IDUA: variants seen among roughly 807,000 people sequenced by gnomAD.
The protein encoded by IDUA is iduronidase alpha-L-.
A neutral mutation model predicts 68.9 loss-of-function variants in IDUA; 65 were observed. The ratio of observed to expected loss-of-function variants is 0.94; its 90% CI spans 0.77 to 1.16. The LOEUF (loss-of-function observed/expected upper bound fraction) is 1.16, where lower values mean the gene tolerates loss of function less well. IDUA is among the 50% of genes most tolerant of loss of function. IDUA has a pLI of 0.00. For synonymous variants in IDUA, 529 were observed against 433.6 expected, an observed-to-expected ratio of 1.22 and a Z score of -2.73; for missense variants, 1,046 against 938.0, an observed-to-expected ratio of 1.12 and a Z score of -1.50.
intron 2 of IDUA, chr4:993,014 C>G (rs1459724564): frequency 1.3e-5 from 2 of 152,150 alleles, no homozygotes; most frequent in Admixed American, 1.3e-4. Flanking sequence ...TTGACACATG[C>G]AGGCTGGGCA....
intron 2 of IDUA, chr4:989,527 G>C: frequency 1.3e-6 from 2 of 1,555,686 alleles, no homozygotes; most frequent in Non-Finnish European, 1.7e-6. Flanking sequence ...CCAGACCAGC[G>C]CGTCAGCCGG....
At chr4:1,001,113 G>C (rs957531360) in intron 4 of IDUA, 124 bp downstream of exon 4, 6 of 723,246 alleles carry the variant, frequency 8.3e-6, no homozygotes, top group Admixed American at 2.1e-5. Flanking sequence ...AGGCCCTTGT[G>C]GGGGGATGGG....
intron 2 of IDUA, chr4:989,691 G>C: frequency 6.4e-7 from 1 of 1,562,716 alleles, no homozygotes; most frequent in Non-Finnish European, 8.7e-7. Context: ...CGCTGACCAC[G>C]CTGGACAGCT....
At chr4:987,295 C>A in intron 1 of IDUA, 53 bp downstream of exon 1, 2 of 1,461,622 alleles carry the variant, frequency 1.4e-6, no homozygotes, top group Non-Finnish European at 9.1e-7. Context: ...AGAGCTCGGG[C>A]GCCCCCTGAC....
Position 999,748 on chromosome 4 carries a change from TCC to T in IDUA, c.300-862_300-861del, listed in dbSNP as rs1560544947. ...GTGCAGTGGCAGGGCGGCCCCCTTC[TCC>T]CTTGAGGACGCCTGTCCCCTCGTAA... On this transcript the variant is annotated intron_variant, in intron 2 of 13. Transcript: ENST00000514224. 54 of 110,812 alleles carry T rather than the reference TCC, an allele frequency of 4.9e-4. 6 individuals are homozygous for T. Among genetic ancestry groups the T allele is most frequent in the African/African-American group, 1.8e-3 (49 of 26,526 alleles). 6.9% of individuals were successfully genotyped at this position (110,812 alleles called of 1,614,324 possible). A position where few individuals can be genotyped will look rare whatever the true frequency, so the allele number is the denominator to read the frequency against.
chr4:1,004,069 C>A lies in IDUA; in HGVS notation c.1785C>A (p.Val595=). The change falls in exon 13 of 14, where the codon GTC becomes GTA. Residue 595 remains valine (V), a synonymous_variant. Transcript: ENST00000514224. The surrounding 1 kb of genome is among the most constrained non-coding windows in gnomAD (Gnocchi z 5.0). ...AGGACGGTAAGGCGTACACCCCGGT[C>A]AGCAGGAAGCCATCGACCTTCAACC... ...FSQDGKAYTP[V]SRKPSTFNLF... 6.2e-7 allele frequency: 1 copy of A among 1,612,720 alleles called. No homozygotes were observed. Among genetic ancestry groups the A allele is most frequent in the South Asian group, 1.1e-5 (1 of 90,960 alleles).
rs537504923 is a variant in IDUA, at chr4:994,400, T to C, written c.300-6212T>C. 2.9e-3 allele frequency among the ~76,000 whole-genome samples: 436 copies of C among 148,694 alleles called. 5 individuals are homozygous for C. The highest frequency in any genetic ancestry group is 0.01 in the African/African-American group (416 of 40,206). On this transcript the variant is annotated intron_variant, in intron 2 of 13. Transcript: ENST00000514224. Reference sequence around the variant, plus strand: ...ACGCCATTCTCCTGCCTCAGCCTCCTGAGTAGCTGGGACTACAGGCGCCCG... The same window carrying C: ...ACGCCATTCTCCTGCCTCAGCCTCCCGAGTAGCTGGGACTACAGGCGCCCG...
At chr4:1,001,106 C>T in intron 4 of IDUA, 117 bp downstream of exon 4, 2 of 765,624 alleles carry the variant, frequency 2.6e-6, no homozygotes, top group Non-Finnish European at 4.4e-6. Context: ...CAGGCGCAGG[C>T]CCTTGTGGGG....
At position 1,002,896 on chromosome 4, in the gene IDUA, C is replaced by G; in HGVS notation, c.1354C>G (p.Arg452Gly). 1 of 1,417,124 alleles carries G rather than the reference C, an allele frequency of 7.1e-7. No homozygotes were observed. Among genetic ancestry groups the G allele is most frequent in the South Asian group, 1.5e-5 (1 of 67,856 alleles). The allele number at this position is 1,417,124 out of a possible 1,614,324, so 87.8% of individuals were successfully genotyped here. ...ASDDTRAHPN[R>G]SVAVTLRLRG... ...CGACGACACCCGCGCCCACCCCAAC[C>G]GCAGCGTCGCGGTGACCCTGCGGCT... Residue 452 changes from arginine to glycine, a missense_variant, in exon 9 of 14, where the codon CGC (arginine) becomes GGC (glycine). Coordinates refer to ENST00000514224, the MANE Select transcript of IDUA (RefSeq NM_000203.5).
At chr4:1,002,584 C>T in intron 8 of IDUA, 99 bp downstream of exon 8, 1 of 1,246,348 alleles carries the variant, frequency 8.0e-7, no homozygotes, top group Non-Finnish European at 1.0e-6. Context: ...CCTCCAGCCG[C>T]GCGCTTCCCG....
chr4:1,003,367 G>A lies in IDUA; in HGVS notation c.1547G>A (p.Arg516His), dbSNP rs953150250. The A allele has an allele frequency of 6.8e-7, 1 of 1,477,236 alleles. No individual in the cohort carries two copies. The highest frequency in any genetic ancestry group is 2.4e-5 in the Admixed American group (1 of 41,444). The allele number at this position is 1,477,236 out of a possible 1,614,324, so 91.5% of individuals were successfully genotyped here. Residue 516 changes from arginine to histidine, a missense_variant, in exon 11 of 14, where the codon CGC becomes CAC. Physicochemically the swap from Arg to His is conservative, Grantham distance 29 (BLOSUM62 0). Transcript: ENST00000514224. ...CAGGACCCGGTGGCCGCGGCGCCCCGCCCCTTACCCGCCGGCGGCCGCCTG... is the reference window on the plus strand; with the variant it reads ...CAGGACCCGGTGGCCGCGGCGCCCCACCCCTTACCCGCCGGCGGCCGCCTG... ...AAEDPVAAAP[R>H]PLPAGGRLTL...
At chr4:999,319 G>C (rs1393913926) in intron 2 of IDUA, among the ~76,000 whole-genome samples, 1 of 152,114 alleles carries the variant, frequency 6.6e-6, no homozygotes, top group Non-Finnish European at 1.5e-5. Context: ...GTCACTTCCA[G>C]AGCCCCATGG....
rs745943106 is a variant in IDUA, at chr4:1,001,487, T to A, written c.513T>A (p.His171Gln). ...RRYIGRYGLA[H>Q]VSKWNFETWN... is the part of the protein sequence containing the mutation. Reference sequence around the variant, plus strand: ...CTGCAGGTAGGTACGGACTGGCGCATGTTTCCAAGTGGAACTTCGAGACGT... The same window carrying A: ...CTGCAGGTAGGTACGGACTGGCGCAAGTTTCCAAGTGGAACTTCGAGACGT... The change falls in exon 5 of 14, where the codon CAT becomes CAA. Residue 171 changes from histidine (H) to glutamine (Q), a missense_variant. Transcript: ENST00000514224. 1.9e-6 allele frequency: 3 copies of A among 1,613,018 alleles called. No homozygotes were observed. Among genetic ancestry groups the A allele is most frequent in the Non-Finnish European group, 2.5e-6 (3 of 1,179,950 alleles).
At chr4:989,730 C>T (rs1432783297) in intron 2 of IDUA, 2 of 1,557,766 alleles carry the variant, frequency 1.3e-6, no homozygotes, top group Non-Finnish European at 1.7e-6. Context: ...CTGTCTTCAC[C>T]AGGCTCTTGG....
Position 1,004,418 on chromosome 4 carries a change from G to C in IDUA, c.*25G>C. On this transcript the variant is annotated 3_prime_UTR_variant, in exon 14 of 14. Transcript: ENST00000514224. The surrounding 1 kb of genome is among the most constrained non-coding windows in gnomAD (Gnocchi z 5.0). ...AGCCTGTGCTGAGCCCCAGTGGGTT[G>C]CACCTCCACCGGCAGTCAGCGAGCT... 6.2e-7 allele frequency: 1 copy of C among 1,608,136 alleles called. No individual in the cohort carries two copies. The highest frequency in any genetic ancestry group is 1.3e-5 in the African/African-American group (1 of 74,984).
chr4:987,671 G>A (rs749665697), intron 1 of IDUA, 138 bp from the exon 2 acceptor site: 7 of 1,490,184 alleles, frequency 4.7e-6, no homozygotes, highest in Non-Finnish European at 6.3e-6. Context: ...TGGCCCTAAG[G>A]GTCATTTTAT....
intron 2 of IDUA, chr4:991,895 G>A (rs1410021862): frequency 8.0e-7 from 1 of 1,252,866 alleles, no homozygotes; most frequent in Non-Finnish European, 1.1e-6. Flanking sequence ...CCCCTGCCCG[G>A]TATGGATGGA....
intron 1 of IDUA, 91 bp downstream of exon 1, chr4:987,333 G>A: frequency 9.6e-6 from 12 of 1,244,756 alleles, no homozygotes; most frequent in Non-Finnish European, 1.3e-5. Flanking sequence ...TCAGAGACCG[G>A]AGCTCCCTCC....
At position 1,003,058 on chromosome 4, in the gene IDUA, C is replaced by T. The variant is rs370257928; in HGVS notation, c.1425C>T (p.Tyr475=). The stretch of plus-strand genomic sequence containing the variant: ...CAGGCCTGGTCTACGTCACGCGCTA[C>T]CTGGACAACGGGCTCTGCAGCCCCG... ...PGPGLVYVTR[Y]LDNGLCSPDG... Residue 475 remains tyrosine, a synonymous_variant, in exon 10 of 14, where the codon TAC becomes TAT. Transcript: ENST00000514224. 62 of 1,517,546 alleles carry T rather than the reference C, an allele frequency of 4.1e-5. No homozygotes were observed. The highest frequency in any genetic ancestry group is 8.1e-5 in the Admixed American group (4 of 49,192). The allele number at this position is 1,517,546 out of a possible 1,614,324, so 94.0% of individuals were successfully genotyped here.
Sources: allele counts gnomAD v4.1 joint callset (sites outside exome capture counted in the v4.1 genomes callset), GRCh38; gene constraint gnomAD v4.1.1; non-coding constraint Gnocchi (gnomAD v3.1); transcripts MANE v1.5; gene names NCBI Gene and HGNC (gene_info 2026-07-23, HGNC 2026-07-21).